ARHGAP35: variants seen among roughly 807,000 people sequenced by gnomAD.
ARHGAP35 encodes Rho GTPase activating protein 35, also known as rho GTPase-activating protein 35.
A neutral mutation model predicts 111.1 loss-of-function variants in ARHGAP35; 15 were observed. The observed-to-expected ratio is 0.13, with a 90% CI of 0.09 to 0.21. The LOEUF is 0.21. ARHGAP35 is among the 10% of genes least tolerant of loss of function. The probability of loss-of-function intolerance (pLI) is 1.00; values close to 1 mark genes in which losing one functional copy is unlikely to be tolerated. For missense variants in ARHGAP35, 1,262 were observed against 1,873.0 expected, an observed-to-expected ratio of 0.67 and a Z score of 6.02; for synonymous variants, 643 against 710.3, an observed-to-expected ratio of 0.91 and a Z score of 1.51.
rs1018641845 is a variant in ARHGAP35, at chr19:46,866,758, T to C, written c.-189+5549T>C. Among the ~76,000 whole-genome samples the C allele has an allele frequency of 1.1e-4, 17 of 152,214 alleles. 1 individual carries two copies. Among genetic ancestry groups the C allele is most frequent in the Admixed American group, 7.2e-4 (11 of 15,266 alleles). On this transcript the variant is annotated intron_variant, in intron 1 of 6. Transcript: ENST00000672722. ...ACTGGATTACCTTTGTTGTATACTT[T>C]TTCAGATATAAAATAAACACTGCCT...
intron 1 of ARHGAP35, among the ~76,000 whole-genome samples, chr19:46,871,616 T>G (rs1444148834): frequency 6.6e-6 from 1 of 151,884 alleles, no homozygotes; most frequent in Non-Finnish European, 1.5e-5. Context: ...GTGCTGGGAT[T>G]ACAGGCGTGA....
chr19:46,985,727 A>G (rs779265234), intron 3 of ARHGAP35, among the ~76,000 whole-genome samples: 1 of 152,170 alleles, frequency 6.6e-6, no homozygotes, highest in African/African-American at 2.4e-5. Flanking sequence ...CGAGTACAGC[A>G]GTGGCAGCTC....
In ARHGAP35 at chr19:46,921,643, G is replaced by C. The variant is rs1215048940; in HGVS notation, c.2968G>C (p.Glu990Gln). 6.2e-7 allele frequency: 1 copy of C among 1,613,770 alleles called. No individual in the cohort carries two copies. Among genetic ancestry groups the C allele is most frequent in the African/African-American group, 1.3e-5 (1 of 74,884 alleles). The change falls in exon 2 of 7, where the codon GAG (glutamate) becomes CAG (glutamine). Residue 990 changes from glutamate to glutamine, a missense_variant. This residue lies in a region of ARHGAP35 where 579 missense variants were observed against 716.9 expected (regional missense o/e 0.81). Transcript: ENST00000672722. The surrounding 1 kb of genome is among the most constrained non-coding windows in gnomAD (Gnocchi z 4.3). Reference protein sequence around the residue: ...SNLQDSEEDIEPSYSLFREDT... With the variant: ...SNLQDSEEDIQPSYSLFREDT... ...CCTGCAGGATTCAGAAGAAGATATC[G>C]AGCCATCTTACAGCCTGTTTCGAGA...
In ARHGAP35 at chr19:46,905,563, C is replaced by G. The variant is rs191672252; in HGVS notation, c.-188-12925C>G. The stretch of plus-strand genomic sequence containing the variant: ...GCTAATTTTTGTATTCCACCCCCCC[C>G]CCCCAAGACAGAGTCTTACTCTGTC... On this transcript the variant is annotated intron_variant, in intron 1 of 6. Transcript: ENST00000672722. Among the ~76,000 whole-genome samples, 574 of 137,852 alleles carry G rather than the reference C, an allele frequency of 4.2e-3. 3 individuals carry two copies. Among genetic ancestry groups the G allele is most frequent in the African/African-American group, 0.013 (510 of 38,884 alleles). 90.4% of individuals were successfully genotyped at this position (137,852 alleles called of 152,430 possible).
chr19:46,998,770 C>T (rs1386917971), intron 5 of ARHGAP35, among the ~76,000 whole-genome samples: 2 of 152,196 alleles, frequency 1.3e-5, no homozygotes, highest in Non-Finnish European at 2.9e-5. Context: ...TGGTGAAGTG[C>T]ATAAGAATTC....
chr19:46,894,898 T>A (rs1249597386), intron 1 of ARHGAP35, among the ~76,000 whole-genome samples: 1 of 152,246 alleles, frequency 6.6e-6, no homozygotes. Flanking sequence ...ACAGGCATTT[T>A]AATTCCTTTA....
rs916062593 is a variant in ARHGAP35, at chr19:46,994,947, A to G, written c.4037-4357A>G. Reference sequence around the variant, plus strand: ...TCACCCATCCCCACGTGCTCAGCCCAGCCCTTCTCATGCTCACCTGCCTCT... The same window carrying G: ...TCACCCATCCCCACGTGCTCAGCCCGGCCCTTCTCATGCTCACCTGCCTCT... On this transcript the variant is annotated intron_variant, in intron 5 of 6. Transcript: ENST00000672722. This position sits in a 1 kb window ranked among gnomAD's most constrained non-coding sequence, Gnocchi z 5.4. Among the ~76,000 whole-genome samples, 2 of 152,166 alleles carry G rather than the reference A, an allele frequency of 1.3e-5. No homozygotes were observed. Among genetic ancestry groups the G allele is most frequent in the African/African-American group, 2.4e-5 (1 of 41,452 alleles).
rs114273977 is a variant in ARHGAP35, at chr19:46,952,298, T to C, written c.3826+14890T>C. Reference sequence around the variant, plus strand: ...GTGTCATTTATTACATTAATTGTGCTGTTCAATTTAAATTTATGATCCTCC... The same window carrying C: ...GTGTCATTTATTACATTAATTGTGCCGTTCAATTTAAATTTATGATCCTCC... On this transcript the variant is annotated intron_variant, in intron 3 of 6. Coordinates refer to ENST00000672722, the MANE Select transcript of ARHGAP35 (RefSeq NM_004491.5). Among the ~76,000 whole-genome samples the C allele has an allele frequency of 7.9e-3, 1,199 of 152,342 alleles. 7 individuals are homozygous for C. The highest frequency in any genetic ancestry group is 0.027 in the African/African-American group (1,123 of 41,582).
chr19:46,892,009 G>A (rs1233524026), intron 1 of ARHGAP35, among the ~76,000 whole-genome samples: 5 of 149,194 alleles, frequency 3.4e-5, no homozygotes, highest in East Asian at 2.0e-4. Context: ...GGTGTTGGCC[G>A]GGCACAGTGA....
At chr19:46,877,009 G>T (rs746901219) in intron 1 of ARHGAP35, among the ~76,000 whole-genome samples, 1 of 151,970 alleles carries the variant, frequency 6.6e-6, no homozygotes, top group African/African-American at 2.4e-5. Context: ...CAGCACTTTG[G>T]GAGGCCGAGG....
Position 46,865,503 on chromosome 19 carries a change from C to G in ARHGAP35, c.-189+4294C>G, listed in dbSNP as rs144874909. Among the ~76,000 whole-genome samples, 14 of 152,192 alleles carry G rather than the reference C, an allele frequency of 9.2e-5. No individual in the cohort carries two copies. In the East Asian group the frequency reaches 1.2e-3, roughly 13 times the overall value. ...AAGAGAAGAAGTTGAAAGAAGTTGT[C>G]GGTGTGCAGATTCATGGGCAGATCC... is the stretch of plus-strand genomic sequence containing the variant. On this transcript the variant is annotated intron_variant, in intron 1 of 6. Transcript: ENST00000672722.
At chr19:46,939,982 G>A (rs1299673961) in intron 3 of ARHGAP35, among the ~76,000 whole-genome samples, 5 of 151,292 alleles carry the variant, frequency 3.3e-5, no homozygotes, top group African/African-American at 9.7e-5. Flanking sequence ...CACGACTGTA[G>A]TCCCAGCACT....
intron 3 of ARHGAP35, among the ~76,000 whole-genome samples, chr19:46,979,222 C>T (rs566577204): frequency 1.3e-5 from 2 of 152,080 alleles, no homozygotes; most frequent in African/African-American, 2.4e-5. Context: ...TCCTCGGAGT[C>T]ACACTGCCAT....
intron 1 of ARHGAP35, among the ~76,000 whole-genome samples, chr19:46,916,933 G>A (rs2056167521): frequency 6.6e-6 from 1 of 151,534 alleles, no homozygotes; most frequent in Non-Finnish European, 1.5e-5. Context: ...TATTTTATTT[G>A]GGAGGATTTA....
chr19:46,934,607 T>G (rs1013590071), intron 2 of ARHGAP35, among the ~76,000 whole-genome samples: 1 of 152,136 alleles, frequency 6.6e-6, no homozygotes, highest in Non-Finnish European at 1.5e-5. Context: ...TCTCAGGTGA[T>G]CCGCCCGCCT....
At chr19:46,997,885 G>A (rs1475753598) in intron 5 of ARHGAP35, 1 of 152,250 alleles carries the variant, frequency 6.6e-6, no homozygotes, top group Non-Finnish European at 1.5e-5. Context: ...GGTGGATCAC[G>A]AGGTCAGGAG....
In ARHGAP35 at chr19:46,926,582, A is replaced by T. The variant is rs1479536394; in HGVS notation, c.3681+4226A>T. ...TTGACTGTGGATTTAAAAAGAAGAC[A>T]TTATTGGCTATTTACCCTTCTATCT... is the stretch of plus-strand genomic sequence containing the variant. On this transcript the variant is annotated intron_variant, in intron 2 of 6. Coordinates refer to ENST00000672722, the MANE Select transcript of ARHGAP35 (RefSeq NM_004491.5). The surrounding 1 kb of genome is among the most constrained non-coding windows in gnomAD (Gnocchi z 4.1). 6.6e-6 allele frequency among the ~76,000 whole-genome samples: 1 copy of T among 152,154 alleles called. No individual in the cohort carries two copies. The highest frequency in any genetic ancestry group is 1.5e-5 in the Non-Finnish European group (1 of 68,024).
chr19:46,921,664 C>T lies in ARHGAP35; in HGVS notation c.2989C>T (p.Arg997Ter). ...EDIEPSYSLFREDTSLPSLSK... is the reference protein window; with the variant it reads ...EDIEPSYSLF ...TATCGAGCCATCTTACAGCCTGTTTCGAGAAGACACATCACTGCCTTCTCT... is the reference window on the plus strand; with the variant it reads ...TATCGAGCCATCTTACAGCCTGTTTTGAGAAGACACATCACTGCCTTCTCT... Residue 997 changes from arginine to a stop codon, truncating the protein, a stop_gained, in exon 2 of 7, where the codon CGA (arginine) becomes TGA (stop). Coordinates refer to ENST00000672722, the MANE Select transcript of ARHGAP35 (RefSeq NM_004491.5). LOFTEE classifies it high-confidence loss of function. The surrounding 1 kb of genome is among the most constrained non-coding windows in gnomAD (Gnocchi z 4.3). The T allele has an allele frequency of 6.2e-7, 1 of 1,613,954 alleles. No individual in the cohort carries two copies. Among genetic ancestry groups the T allele is most frequent in the Non-Finnish European group, 8.5e-7 (1 of 1,179,878 alleles).
intron 1 of ARHGAP35, among the ~76,000 whole-genome samples, chr19:46,887,657 G>A (rs912256632): frequency 6.6e-6 from 1 of 151,990 alleles, no homozygotes; most frequent in Non-Finnish European, 1.5e-5. Context: ...TCAACTCAGT[G>A]CTCTAACCAT....
Sources: gnomAD v4.1 joint callset for allele counts (sites outside exome capture counted in the v4.1 genomes callset) on GRCh38, gnomAD v4.1.1 for gene constraint, gnomAD v4.1.1 regional missense constraint, Gnocchi (gnomAD v3.1) non-coding constraint, MANE v1.5 for transcripts, NCBI Gene and HGNC (gene_info 2026-07-23, HGNC 2026-07-21) for gene names.